Variants in SLC1A3 observed in about 807,000 individuals in gnomAD.
The protein encoded by SLC1A3 is excitatory amino acid transporter 1.
A neutral mutation model predicts 48.1 loss-of-function variants in SLC1A3; 21 were observed. The observed-to-expected ratio is 0.44, with a 90% confidence interval of 0.31 to 0.63. The LOEUF is 0.63. SLC1A3 is among the 20% of genes least tolerant of loss of function. SLC1A3 has a pLI of 0.08. For missense variants in SLC1A3, 546 were observed against 689.0 expected, an observed-to-expected ratio of 0.79 and a Z score of 2.32; for synonymous variants, 239 against 251.4, an observed-to-expected ratio of 0.95 and a Z score of 0.47.
chr5:36,648,204 A>G lies in SLC1A3; in HGVS notation c.319+18617A>G, dbSNP rs547393488. Among the ~76,000 whole-genome samples the G allele has an allele frequency of 1.4e-3, 211 of 152,290 alleles. 1 individual carries two copies. Among genetic ancestry groups the G allele is most frequent in the African/African-American group, 4.9e-3 (205 of 41,564 alleles). On this transcript the variant is annotated intron_variant, in intron 3 of 9. Transcript: ENST00000265113. ...ATGATTATACTGTCTCAATGTTGAA[A>G]GAAAAATTTTTAAAGATTTGCATTT...
chr5:36,651,154 A>G (rs1362743437), intron 3 of SLC1A3, among the ~76,000 whole-genome samples: 2 of 150,622 alleles, frequency 1.3e-5, no homozygotes, highest in African/African-American at 4.9e-5. Flanking sequence ...AAAAAAAAAA[A>G]AAAAAAAAAA....
At chr5:36,673,136 G>A (rs1423678) in intron 4 of SLC1A3, among the ~76,000 whole-genome samples, 61,765 of 151,518 alleles carry the variant, frequency 0.41, 12,850 homozygotes, top group East Asian at 0.53. Context: ...CTCATAGAGT[G>A]TAGATAGGAA....
chr5:36,680,642 G>T, intron 8 of SLC1A3, 53 bp downstream of exon 8: 1 of 1,492,654 alleles, frequency 6.7e-7, no homozygotes. Flanking sequence ...TTAAGGCTGG[G>T]CGTGGTGGCT....
rs1740626506 is a variant in SLC1A3, at chr5:36,641,823, A to G, written c.319+12236A>G. Among the ~76,000 whole-genome samples the G allele has an allele frequency of 1.3e-5, 2 of 152,242 alleles. 1 individual carries two copies. Among genetic ancestry groups the G allele is most frequent in the Admixed American group, 1.3e-4 (2 of 15,286 alleles). ...TTACATATTGAATTCTATGAATTCT[A>G]TAATATAAAGTAGGAGCACACTTAC... On this transcript the variant is annotated intron_variant, in intron 3 of 9. Transcript: ENST00000265113.
At chr5:36,671,621 C>T (rs1424362920) in intron 4 of SLC1A3, among the ~76,000 whole-genome samples, 1 of 152,120 alleles carries the variant, frequency 6.6e-6, no homozygotes, top group African/African-American at 2.4e-5. Context: ...TGATTTTGAA[C>T]TTGTGATCAG....
intron 9 of SLC1A3, among the ~76,000 whole-genome samples, chr5:36,685,103 C>T (rs1326871666): frequency 1.3e-5 from 2 of 152,036 alleles, no homozygotes; most frequent in African/African-American, 4.8e-5. Context: ...ATTAGACACA[C>T]TTATAAATTT....
In SLC1A3 at chr5:36,609,211, T is replaced by C. The variant is rs1036959852; in HGVS notation, c.181+607T>C. On this transcript the variant is annotated intron_variant, in intron 2 of 9. Coordinates refer to ENST00000265113, the MANE Select transcript of SLC1A3 (RefSeq NM_004172.5). ...ATAACCAGCTATACCTTTTTTTGAA[T>C]CATTTCCATCTCTTACTAATTTAGC... 3 of 975,614 alleles carry C rather than the reference T, an allele frequency of 3.1e-6. No homozygotes were observed. In the African/African-American group the frequency reaches 5.3e-5, roughly 17 times the overall value. The allele number at this position is 975,614 out of a possible 1,614,324, so 60.4% of individuals were successfully genotyped here.
intron 2 of SLC1A3, among the ~76,000 whole-genome samples, chr5:36,627,795 G>T (rs963508170): frequency 6.6e-6 from 1 of 152,192 alleles, no homozygotes; most frequent in Non-Finnish European, 1.5e-5. Flanking sequence ...ACATAAAGGG[G>T]TTAAGAACCT....
chr5:36,653,001 T>A (rs2111854893), intron 3 of SLC1A3, among the ~76,000 whole-genome samples: 1 of 152,352 alleles, frequency 6.6e-6, no homozygotes, highest in Non-Finnish European at 1.5e-5. Context: ...GCTAGTTTGC[T>A]TTTTATGCAT....
At chr5:36,609,522 A>G (rs1429109017) in intron 2 of SLC1A3, among the ~76,000 whole-genome samples, 2 of 152,212 alleles carry the variant, frequency 1.3e-5, no homozygotes, top group South Asian at 2.1e-4. Context: ...GTTTGCCAAG[A>G]TTTCCATCAA....
chr5:36,658,488 A>G (rs905479210), intron 3 of SLC1A3, among the ~76,000 whole-genome samples: 4 of 152,218 alleles, frequency 2.6e-5, no homozygotes, highest in Non-Finnish European at 5.9e-5. Context: ...AGTCTATAGA[A>G]AAGAAGACCG....
In SLC1A3 at chr5:36,677,188, T is replaced by C. The variant is rs144407367; in HGVS notation, c.860+4T>C. The C allele has an allele frequency of 3.1e-6, 5 of 1,610,732 alleles. No individual in the cohort carries two copies. The African/African-American group carries it at 4.0e-5, about 13-fold the overall frequency. ...GACTGGTAGCAGTAATAATGTGGTA[T>C]GTATTTCCATTTTCTATATATGTTA... On this transcript the variant is annotated splice_donor_region_variant and intron_variant, in intron 6 of 9. Coordinates refer to ENST00000265113, the MANE Select transcript of SLC1A3 (RefSeq NM_004172.5).
Position 36,674,080 on chromosome 5 carries a change from T to G in SLC1A3, c.556T>G (p.Cys186Gly), listed in dbSNP as rs137852620. The G allele has an allele frequency of 6.2e-7, 1 of 1,613,070 alleles. No individual in the cohort carries two copies. The highest frequency in any genetic ancestry group is 8.5e-7 in the Non-Finnish European group (1 of 1,179,232). ...NMFPPNLVEA[C>G]FKQFKTNYEK... ...GTTCCCTCCAAATCTGGTAGAAGCC[T>G]GCTTTAAACAGGTAAACACTCTACA... Residue 186 changes from cysteine (C) to glycine (G), a missense_variant, in exon 5 of 10, where the codon TGC (cysteine) becomes GGC (glycine). Physicochemically the swap from Cys to Gly is radical, Grantham distance 159. This residue lies in a region of SLC1A3 where 348 missense variants were observed against 392.0 expected (regional missense o/e 0.89). Coordinates refer to ENST00000265113, the MANE Select transcript of SLC1A3 (RefSeq NM_004172.5).
At chr5:36,671,740 GA>G (rs1352859186) in intron 4 of SLC1A3, among the ~76,000 whole-genome samples, 6 of 152,146 alleles carry the variant, frequency 3.9e-5, no homozygotes, top group African/African-American at 1.4e-4. Flanking sequence ...AATGTTTATG[GA>G]GAAAGAATTT....
At chr5:36,627,528 T>C (rs896413555) in intron 2 of SLC1A3, among the ~76,000 whole-genome samples, 2 of 152,078 alleles carry the variant, frequency 1.3e-5, no homozygotes, top group African/African-American at 4.8e-5. Context: ...AAAATAGCCT[T>C]CATATATTCA....
upstream of SLC1A3, among the ~76,000 whole-genome samples, chr5:36,602,337 T>C (rs1229836752): frequency 1.3e-5 from 2 of 151,968 alleles, no homozygotes. Context: ...CCAGTAATAA[T>C]AGAGTAGAAT....
upstream of SLC1A3, among the ~76,000 whole-genome samples, chr5:36,604,850 T>C (rs1245342079): frequency 1.4e-5 from 2 of 146,810 alleles, no homozygotes; most frequent in African/African-American, 4.9e-5. Context: ...CAGATTTCTC[T>C]TTCGAGTTCC....
intron 5 of SLC1A3, among the ~76,000 whole-genome samples, chr5:36,675,186 T>C (rs1410972537): frequency 1.3e-5 from 2 of 152,104 alleles, no homozygotes; most frequent in African/African-American, 4.8e-5. Context: ...CTTGTAATAA[T>C]TTTTAAGACT....
intron 3 of SLC1A3, among the ~76,000 whole-genome samples, chr5:36,632,083 G>A (rs1740155542): frequency 6.6e-6 from 1 of 152,210 alleles, no homozygotes; most frequent in Non-Finnish European, 1.5e-5. Flanking sequence ...TGGATACAGA[G>A]AAATATTTCT....
Sources: gnomAD v4.1 joint callset for allele counts (sites outside exome capture counted in the v4.1 genomes callset) on GRCh38, gnomAD v4.1.1 for gene constraint, gnomAD v4.1.1 regional missense constraint, MANE v1.5 for transcripts, NCBI Gene and HGNC (gene_info 2026-07-23, HGNC 2026-07-21) for gene names.